AZIN2: variants seen among roughly 807,000 people sequenced by gnomAD.
The protein encoded by AZIN2 is ODC antizyme inhibitor-2.
A neutral mutation model predicts 47.8 loss-of-function variants in AZIN2; 28 were observed. The observed-to-expected ratio is 0.59, with a 90% confidence interval of 0.43 to 0.80. The LOEUF (loss-of-function observed/expected upper bound fraction) is 0.80. Among genes scored for constraint, AZIN2 ranks in the 30% least tolerant of loss-of-function variants. AZIN2 has a pLI of 0.00. For synonymous variants in AZIN2, 221 were observed against 239.4 expected (o/e 0.92, Z 0.71); for missense variants, 535 against 582.5 (o/e 0.92, Z 0.84).
At chr1:33,082,508 C>A (rs1030202804) in intron 4 of AZIN2, 154 bp downstream of exon 4, 1 of 589,882 alleles carries the variant, frequency 1.7e-6, no homozygotes, top group Non-Finnish European at 2.9e-6. Flanking sequence ...ATCCCCAATT[C>A]TTTGTCCTTG....
At chr1:33,165,491 G>C in the AZIN2 span, 5 of 1,607,388 alleles carry the variant, frequency 3.1e-6, no homozygotes, top group Non-Finnish European at 4.2e-6. This position sits in a 1 kb window ranked among gnomAD's most constrained non-coding sequence, Gnocchi z 4.0. Flanking sequence ...GCCAGTTGTC[G>C]CTTGAGCAGC....
chr1:33,107,465 A>G (rs1644069197), intron 10 of AZIN2, among the ~76,000 whole-genome samples: 1 of 152,124 alleles, frequency 6.6e-6, no homozygotes, highest in Non-Finnish European at 1.5e-5. Context: ...TTGTAATCCC[A>G]GCTACTCAGG....
At chr1:33,136,245 TTC>T in the AZIN2 span, among the ~76,000 whole-genome samples, 2 of 151,010 alleles carry the variant, frequency 1.3e-5, no homozygotes, top group South Asian at 2.1e-4. Flanking sequence ...TTCTTTTCCT[TTC>T]TCTCTTTCTT....
At chr1:33,100,920 G>A (rs1643632807) in intron 10 of AZIN2, among the ~76,000 whole-genome samples, 1 of 151,976 alleles carries the variant, frequency 6.6e-6, no homozygotes, top group Non-Finnish European at 1.5e-5. Context: ...AGAGTTCAGT[G>A]GTGTGATCTC....
rs1557735848 is a variant in AZIN2, at chr1:33,121,436, G to A, written c.*1254G>A. ...AAATTAGCCAGGTGTGGTGGTATGT[G>A]CCTGTAATTCCAGCTACTCAGGAGG... On this transcript the variant is annotated 3_prime_UTR_variant, in exon 12 of 12. Transcript: ENST00000294517. Among the ~76,000 whole-genome samples the A allele has an allele frequency of 6.6e-6, 1 of 152,098 alleles. No homozygotes were observed. Among genetic ancestry groups the A allele is most frequent in the Non-Finnish European group, 1.5e-5 (1 of 68,034 alleles).
At chr1:33,117,010 G>A (rs1352202340) in intron 10 of AZIN2, among the ~76,000 whole-genome samples, 1 of 152,172 alleles carries the variant, frequency 6.6e-6, no homozygotes, top group Non-Finnish European at 1.5e-5. Context: ...CCTACACTGT[G>A]GCAAATGGCA....
chr1:33,146,096 AAC>A, the AZIN2 span: 1 of 315,602 alleles, frequency 3.2e-6, no homozygotes, highest in Non-Finnish European at 6.3e-6. Context: ...TCCTGGTCAC[AAC>A]AGACATGATG....
intron 8 of AZIN2, among the ~76,000 whole-genome samples, chr1:33,096,226 G>A (rs1643135307): frequency 6.6e-6 from 1 of 152,190 alleles, no homozygotes; most frequent in South Asian, 2.1e-4. Flanking sequence ...AAAGGTCTTT[G>A]TCCTCATTGT....
At chr1:33,110,947 G>T (rs1012089826) in intron 10 of AZIN2, among the ~76,000 whole-genome samples, 5 of 152,226 alleles carry the variant, frequency 3.3e-5, no homozygotes, top group Non-Finnish European at 1.5e-5. Flanking sequence ...CACAGAGGAG[G>T]AGGGCTCCTC....
the AZIN2 span, chr1:33,146,539 A>T: frequency 6.3e-6 from 1 of 159,608 alleles, no homozygotes; most frequent in African/African-American, 2.4e-5. Context: ...GTGGCACATG[A>T]CTATAATGTG....
intron 6 of AZIN2, 44 bp downstream of exon 6, chr1:33,092,266 C>T: frequency 1.4e-6 from 2 of 1,452,958 alleles, no homozygotes; most frequent in Non-Finnish European, 1.8e-6. Context: ...TGTGGGGAGC[C>T]TGGGCTGTGG....
intron 10 of AZIN2, among the ~76,000 whole-genome samples, chr1:33,103,327 A>G (rs1367314076): frequency 6.6e-6 from 1 of 151,926 alleles, no homozygotes; most frequent in Non-Finnish European, 1.5e-5. Flanking sequence ...TTTCAGCTCC[A>G]CTTACCTGCT....
At chr1:33,106,396 G>A (rs1385890569) in intron 10 of AZIN2, among the ~76,000 whole-genome samples, 1 of 152,018 alleles carries the variant, frequency 6.6e-6, no homozygotes, top group Non-Finnish European at 1.5e-5. Flanking sequence ...TGAAGCAGAG[G>A]GAACACTTCC....
rs561612497 is a variant in AZIN2, at chr1:33,116,588, G to A, written c.1030-1314G>A. Among the ~76,000 whole-genome samples the A allele has an allele frequency of 1.2e-4, 18 of 151,826 alleles. No homozygotes were observed. In the South Asian group the frequency reaches 3.8e-3, roughly 32 times the overall value. On this transcript the variant is annotated intron_variant, in intron 10 of 11. Transcript: ENST00000294517. Reference sequence around the variant, plus strand: ...CACCTAATGGATGCCAGCCTGCTAGGCATTGAGGAGATGGGGATGACAAGA... The same window carrying A: ...CACCTAATGGATGCCAGCCTGCTAGACATTGAGGAGATGGGGATGACAAGA...
intron 10 of AZIN2, among the ~76,000 whole-genome samples, chr1:33,106,723 A>G (rs760063330): frequency 2.6e-5 from 4 of 152,192 alleles, no homozygotes; most frequent in Admixed American, 6.5e-5. Flanking sequence ...GCATCCTTTC[A>G]TGATAAAAAC....
chr1:33,150,933 T>C, the AZIN2 span, among the ~76,000 whole-genome samples: 4 of 152,084 alleles, frequency 2.6e-5, no homozygotes, highest in African/African-American at 9.7e-5. Flanking sequence ...TGGGGGAACC[T>C]AGGCATGATA....
chr1:33,127,417 G>A (rs1644864700), downstream of AZIN2, among the ~76,000 whole-genome samples: 2 of 152,274 alleles, frequency 1.3e-5, no homozygotes, highest in Admixed American at 1.3e-4. Flanking sequence ...AAGGAACAGG[G>A]AAGTCCATTG....
intron 4 of AZIN2, 100 bp downstream of exon 4, chr1:33,082,454 T>G (rs1641388577): frequency 1.3e-6 from 1 of 785,746 alleles, no homozygotes. Flanking sequence ...CTTTCGCTTA[T>G]TTGGTACGCA....
At chr1:33,150,141 C>T in the AZIN2 span, among the ~76,000 whole-genome samples, 1 of 152,222 alleles carries the variant, frequency 6.6e-6, no homozygotes, top group African/African-American at 2.4e-5. Flanking sequence ...TTTCCTTAGC[C>T]TGAATGACCA....
Sources: allele counts gnomAD v4.1 joint callset (sites outside exome capture counted in the v4.1 genomes callset), GRCh38; gene constraint gnomAD v4.1.1; non-coding constraint Gnocchi (gnomAD v3.1); transcripts MANE v1.5; gene names NCBI Gene and HGNC (gene_info 2026-07-23, HGNC 2026-07-21).